Variants in DNAH3 observed in about 807,000 individuals in gnomAD.
DNAH3 encodes the protein axonemal beta dynein heavy chain 3.
Under a neutral mutation model 432.5 loss-of-function variants are expected in DNAH3, and 332 were observed. That is an observed-to-expected ratio of 0.77 (90% CI 0.70 to 0.84). The LOEUF (loss-of-function observed/expected upper bound fraction) is 0.84. DNAH3 is among the 40% of genes least tolerant of loss of function. The pLI is 0.00. For synonymous variants in DNAH3, 1,956 were observed against 1,900.2 expected, an observed-to-expected ratio of 1.03 and a Z score of -0.76; for missense variants, 4,861 against 5,114.0, an observed-to-expected ratio of 0.95 and a Z score of 1.51.
At chr16:21,025,657 CTTTT>C (rs775573167) in intron 38 of DNAH3, among the ~76,000 whole-genome samples, 2 of 151,722 alleles carry the variant, frequency 1.3e-5, no homozygotes, top group Non-Finnish European at 2.9e-5. Flanking sequence ...CAGTGCAGTT[CTTTT>C]GAGTACTTTA....
intron 16 of DNAH3, among the ~76,000 whole-genome samples, chr16:21,100,880 C>T (rs2091820557): frequency 6.6e-6 from 1 of 152,196 alleles, no homozygotes; most frequent in Admixed American, 6.5e-5. Flanking sequence ...GAATTCCTCC[C>T]AGAGGGCAAC....
chr16:20,938,951 G>T (rs1274235867), intron 59 of DNAH3, among the ~76,000 whole-genome samples: 1 of 152,102 alleles, frequency 6.6e-6, no homozygotes, highest in Non-Finnish European at 1.5e-5. Flanking sequence ...TTTTGGTAGA[G>T]ATGGGGTTTT....
chr16:20,971,647 T>C (rs2085347286), intron 51 of DNAH3, among the ~76,000 whole-genome samples: 1 of 152,060 alleles, frequency 6.6e-6, no homozygotes, highest in African/African-American at 2.4e-5. Context: ...TGGGAGTGGG[T>C]GTAGTGGGGC....
chr16:20,933,511 G>A lies in DNAH3; in HGVS notation c.11998-4C>T, dbSNP rs1416136841. The A allele has an allele frequency of 6.4e-7, 1 of 1,567,128 alleles. No homozygotes were observed. Among genetic ancestry groups the A allele is most frequent in the Non-Finnish European group, 8.6e-7 (1 of 1,156,806 alleles). On this transcript the variant is annotated splice_region_variant and splice_polypyrimidine_tract_variant and intron_variant, in intron 61 of 61. Transcript: ENST00000261383. ...TCACTGTTTCTTGTGGGGTTACCTG[G>A]AAGAATAAAAAGCTATGAGCTCCAT...
exon 34 of DNAH3, chr16:21,037,808 C>A: frequency 6.2e-7 from 1 of 1,614,202 alleles, no homozygotes; most frequent in Non-Finnish European, 8.5e-7. Flanking sequence ...AGATTGACAT[C>A]AAGCAATGCC....
chr16:21,114,780 T>C (rs968230671), intron 12 of DNAH3, among the ~76,000 whole-genome samples: 7 of 152,216 alleles, frequency 4.6e-5, no homozygotes, highest in Non-Finnish European at 8.8e-5. Flanking sequence ...GGAACACTTT[T>C]ACACTGTTGG....
intron 47 of DNAH3, 78 bp downstream of exon 47, chr16:20,987,227 G>A: frequency 1.9e-6 from 3 of 1,562,010 alleles, no homozygotes; most frequent in Non-Finnish European, 2.6e-6. Context: ...AACAGGAAGG[G>A]AACCTGAAAT....
At chr16:21,032,107 G>A (rs755585988) in intron 36 of DNAH3, among the ~76,000 whole-genome samples, 28 of 151,572 alleles carry the variant, frequency 1.8e-4, no homozygotes, top group Non-Finnish European at 3.2e-4. Context: ...GGAGAGTGAC[G>A]CCTATTATCA....
Position 21,051,706 on chromosome 16 carries a change from C to CG in DNAH3, c.4201dup (p.Arg1401ProfsTer48). ...GTCGGTGAGGGGTGTGATCACCAGC[C>CG]GGGGGGAGTTTCCCAGGTACTCATA... On this transcript the variant is annotated frameshift_variant, in exon 29 of 62. Transcript: ENST00000261383. LOFTEE classifies it high-confidence loss of function. The CG allele has an allele frequency of 6.2e-7, 1 of 1,613,532 alleles. No individual in the cohort carries two copies. The highest frequency in any genetic ancestry group is 8.5e-7 in the Non-Finnish European group (1 of 1,180,026).
intron 42 of DNAH3, among the ~76,000 whole-genome samples, chr16:21,002,881 C>T (rs79390058): frequency 0.013 from 1,960 of 152,242 alleles, 36 homozygotes; most frequent in African/African-American, 0.045. Flanking sequence ...AAATGTTCCC[C>T]CCACCGCCAT....
Position 21,036,797 on chromosome 16 carries a change from C to T in DNAH3, c.5002G>A (p.Glu1668Lys), listed in dbSNP as rs762197687. The T allele has an allele frequency of 2.5e-6, 4 of 1,612,634 alleles. No individual in the cohort carries two copies. The South Asian group carries it at 4.4e-5, about 18-fold the overall frequency. ...TCATTCAGCACTTTCAGAAAAACTT[C>T]ATAGTCTGGCTTTGGAAGAACAACT... Residue 1668 changes from glutamate to lysine, a missense_variant, in exon 35 of 62, where the codon GAA becomes AAA. By Grantham distance (56) the Glu-to-Lys change is moderately conservative. Coordinates refer to ENST00000261383, the Ensembl canonical transcript of DNAH3.
At chr16:21,117,966 T>C (rs1027125453) in intron 11 of DNAH3, among the ~76,000 whole-genome samples, 5 of 152,094 alleles carry the variant, frequency 3.3e-5, no homozygotes, top group African/African-American at 1.2e-4. Flanking sequence ...TTAGGTAAAC[T>C]ACTTCTCTCG....
chr16:21,013,719 C>CAA (rs557641711), intron 41 of DNAH3, among the ~76,000 whole-genome samples: 6,253 of 46,850 alleles, frequency 0.13, 315 homozygotes, highest in East Asian at 0.22. Context: ...AACTCCATCT[C>CAA]AAAAAAAAAA....
chr16:20,941,013 C>T (rs11649227), intron 59 of DNAH3, among the ~76,000 whole-genome samples: 43,051 of 151,988 alleles, frequency 0.28, 6,209 homozygotes, highest in Middle Eastern at 0.32. Context: ...GGTGGGAGGA[C>T]TGCTTGAGCC....
chr16:21,146,204 C>T (rs2092781267), intron 1 of DNAH3, 116 bp from the exon 3 acceptor site: 1 of 639,480 alleles, frequency 1.6e-6, no homozygotes, highest in Admixed American at 2.8e-5. Context: ...AGTTCTGGAC[C>T]TAAAACAAAA....
intron 44 of DNAH3, among the ~76,000 whole-genome samples, chr16:20,988,962 C>T (rs1243348730): frequency 6.6e-6 from 1 of 152,128 alleles, no homozygotes; most frequent in Non-Finnish European, 1.5e-5. Flanking sequence ...CTCGTGGTCT[C>T]GCTGGCTTCA....
At chr16:21,001,930 TTTTACTTGTG>T in intron 42 of DNAH3, among the ~76,000 whole-genome samples, 1 of 152,312 alleles carries the variant, frequency 6.6e-6, no homozygotes, top group Admixed American at 6.5e-5. Context: ...CATTGGACTC[TTTTACTTGTG>T]TTAATTCAGC....
At position 21,132,957 on chromosome 16, in the gene DNAH3, A is replaced by AT. The variant is rs562470355; in HGVS notation, c.1082+1301dup. On this transcript the variant is annotated intron_variant, in intron 7 of 61. Transcript: ENST00000261383. ...CTTCTGTCTCATCTGGACTCCTACA[A>AT]TTTTTTTTTTTTTGAGACGGAGTTT... Among the ~76,000 whole-genome samples the AT allele has an allele frequency of 3.9e-3, 511 of 131,220 alleles. 3 individuals carry two copies. Among genetic ancestry groups the AT allele is most frequent in the South Asian group, 0.034 (139 of 4,080 alleles). The allele number at this position is 131,220 out of a possible 152,430, so 86.1% of individuals were successfully genotyped here.
intron 54 of DNAH3, among the ~76,000 whole-genome samples, chr16:20,955,551 C>A (rs1005566787): frequency 1.3e-5 from 2 of 151,980 alleles, no homozygotes; most frequent in Admixed American, 1.3e-4. Flanking sequence ...CCTCCCACCT[C>A]ACCATCCCAC....
Sources: allele counts gnomAD v4.1 joint callset (sites outside exome capture counted in the v4.1 genomes callset), GRCh38; gene constraint gnomAD v4.1.1; transcripts MANE v1.5; gene names NCBI Gene and HGNC (gene_info 2026-07-23, HGNC 2026-07-21).